Variants in KCNJ6 observed in about 807,000 individuals in gnomAD.
KCNJ6 encodes potassium inwardly rectifying channel subfamily J member 6.
In KCNJ6, 9 loss-of-function variants were observed where a neutral mutation model predicts 34.2. That is an observed-to-expected ratio of 0.26 (90% CI 0.16 to 0.46). The LOEUF (loss-of-function observed/expected upper bound fraction) is 0.46, where lower values mean the gene tolerates loss of function less well. Among genes scored for constraint, KCNJ6 ranks in the 20% least tolerant of loss-of-function variants. KCNJ6 has a pLI of 1.00. For synonymous variants in KCNJ6, 196 were observed against 207.1 expected (o/e 0.95, Z 0.46); for missense variants, 236 against 531.3 (o/e 0.44, Z 5.46).
intron 2 of KCNJ6, among the ~76,000 whole-genome samples, chr21:37,759,365 G>C (rs954884503): frequency 3.9e-5 from 6 of 152,192 alleles, no homozygotes; most frequent in Admixed American, 1.3e-4. Flanking sequence ...TTGAGGGCTT[G>C]GTCATACAGC....
intron 1 of KCNJ6, among the ~76,000 whole-genome samples, chr21:37,881,004 A>G (rs2055704885): frequency 6.6e-6 from 1 of 152,234 alleles, no homozygotes; most frequent in Non-Finnish European, 1.5e-5. Context: ...GGCACAGAAG[A>G]GGCAGAAGGG....
intron 2 of KCNJ6, among the ~76,000 whole-genome samples, chr21:37,717,422 A>T (rs1006045284): frequency 2.1e-5 from 3 of 142,732 alleles, no homozygotes; most frequent in African/African-American, 5.1e-5. Flanking sequence ...CTCACTGGAG[A>T]TGGGGTGGGT....
chr21:37,846,604 A>G (rs1244250381), intron 1 of KCNJ6, among the ~76,000 whole-genome samples: 1 of 151,986 alleles, frequency 6.6e-6, no homozygotes, highest in African/African-American at 2.4e-5. Context: ...GATGAGGGGG[A>G]AACTCATCAT....
chr21:37,804,004 A>G (rs924326252), intron 2 of KCNJ6, among the ~76,000 whole-genome samples: 1 of 152,186 alleles, frequency 6.6e-6, no homozygotes, highest in Non-Finnish European at 1.5e-5. Flanking sequence ...AATCCCTGTG[A>G]GCAAAAATAC....
chr21:37,629,942 A>G (rs2054326626), intron 3 of KCNJ6, among the ~76,000 whole-genome samples: 2 of 152,236 alleles, frequency 1.3e-5, no homozygotes, highest in African/African-American at 2.4e-5. Flanking sequence ...ATGTTTGCCT[A>G]TCAGTAAAAT....
chr21:37,644,768 C>T (rs1399387205), intron 3 of KCNJ6, among the ~76,000 whole-genome samples: 11 of 152,136 alleles, frequency 7.2e-5, no homozygotes, highest in Non-Finnish European at 1.3e-4. Flanking sequence ...GATAAAATAT[C>T]GCCATTCTCT....
intron 2 of KCNJ6, among the ~76,000 whole-genome samples, chr21:37,831,817 G>A (rs73206095): frequency 0.048 from 7,354 of 152,246 alleles, 260 homozygotes; most frequent in Middle Eastern, 0.078. Context: ...GTCAGAAGGC[G>A]GTCTTGCGGG....
intron 1 of KCNJ6, among the ~76,000 whole-genome samples, chr21:37,895,252 T>C (rs772540185): frequency 1.3e-5 from 2 of 152,212 alleles, no homozygotes; most frequent in African/African-American, 2.4e-5. Context: ...GCTTTGTCCT[T>C]AAAGACCTTA....
intron 3 of KCNJ6, among the ~76,000 whole-genome samples, chr21:37,690,438 A>C (rs1243697545): frequency 2.6e-5 from 4 of 152,204 alleles, no homozygotes; most frequent in African/African-American, 9.7e-5. Context: ...TCTGTGGGGT[A>C]GATTTTCACC....
intron 3 of KCNJ6, among the ~76,000 whole-genome samples, chr21:37,691,177 G>A (rs1382770584): frequency 2.6e-5 from 4 of 152,220 alleles, no homozygotes; most frequent in Non-Finnish European, 1.5e-5. Flanking sequence ...GGCTGAGAGT[G>A]CAGGGTTTCC....
chr21:37,848,387 G>T (rs1160026862), intron 1 of KCNJ6, among the ~76,000 whole-genome samples: 1 of 152,152 alleles, frequency 6.6e-6, no homozygotes, highest in Admixed American at 6.5e-5. Flanking sequence ...CACAATTTGG[G>T]GTAAAAACAT....
At chr21:37,891,164 T>G (rs1368977835) in intron 1 of KCNJ6, among the ~76,000 whole-genome samples, 2 of 152,078 alleles carry the variant, frequency 1.3e-5, no homozygotes, top group Non-Finnish European at 2.9e-5. Flanking sequence ...ATAGGATACT[T>G]TCACAGGTGG....
chr21:37,712,643 C>CTCTCCT (rs1413578801), intron 3 of KCNJ6, among the ~76,000 whole-genome samples: 8 of 54,666 alleles, frequency 1.5e-4, no homozygotes, highest in Admixed American at 3.9e-4. Flanking sequence ...CCCTCCTCCC[C>CTCTCCT]TTCTCCTCCT....
intron 2 of KCNJ6, among the ~76,000 whole-genome samples, chr21:37,742,513 A>G (rs914035949): frequency 1.4e-4 from 1 of 7,038 alleles, no homozygotes; most frequent in African/African-American, 2.6e-3. Flanking sequence ...AAAAATATTA[A>G]AAAGAAAAAC....
intron 1 of KCNJ6, among the ~76,000 whole-genome samples, chr21:37,902,647 C>T (rs866870151): frequency 2.0e-5 from 3 of 152,122 alleles, no homozygotes; most frequent in Non-Finnish European, 2.9e-5. Flanking sequence ...GTCTGACCCT[C>T]GTTGGCAAAG....
chr21:37,638,662 C>T lies in KCNJ6; in HGVS notation c.947-13178G>A, dbSNP rs544201726. 1.2e-3 allele frequency among the ~76,000 whole-genome samples: 189 copies of T among 152,332 alleles called. No homozygotes were observed. In the Middle Eastern group the frequency reaches 0.014, roughly 11 times the overall value. ...TTAAGCCTGTCCATTCTTACCTCAT[C>T]TTCCACACAAATGGTGTTTATTCTC... On this transcript the variant is annotated intron_variant, in intron 3 of 3. Coordinates refer to ENST00000609713, the MANE Select transcript of KCNJ6 (RefSeq NM_002240.5).
chr21:37,709,516 A>AT, intron 3 of KCNJ6, among the ~76,000 whole-genome samples: 1 of 77,344 alleles, frequency 1.3e-5, no homozygotes, highest in South Asian at 5.7e-4. Context: ...CCCTGTCTCA[A>AT]AAAAAAGAAA....
At chr21:37,881,876 T>G (rs2123624198) in intron 1 of KCNJ6, among the ~76,000 whole-genome samples, 1 of 152,278 alleles carries the variant, frequency 6.6e-6, no homozygotes, top group South Asian at 2.1e-4. Context: ...GACAGCTGGG[T>G]CCTGACAGTT....
chr21:37,846,815 G>A (rs1422840248), intron 1 of KCNJ6, among the ~76,000 whole-genome samples: 1 of 152,076 alleles, frequency 6.6e-6, no homozygotes, highest in Non-Finnish European at 1.5e-5. Context: ...GTTAAACCAG[G>A]AGCCCTCAAA....
Sources: allele counts gnomAD v4.1 joint callset (sites outside exome capture counted in the v4.1 genomes callset), GRCh38; gene constraint gnomAD v4.1.1; transcripts MANE v1.5; gene names NCBI Gene and HGNC (gene_info 2026-07-23, HGNC 2026-07-21).